Variants in CCDC57 observed in about 807,000 individuals in gnomAD.
CCDC57 encodes the protein coiled-coil domain-containing protein 57.
In CCDC57, 118 loss-of-function variants were observed where a neutral mutation model predicts 118.9. The observed-to-expected ratio is 0.99, with a 90% CI of 0.86 to 1.16. The LOEUF is 1.16. Among genes scored for constraint, CCDC57 ranks in the 50% most tolerant of loss-of-function variants. The pLI is 0.00. For synonymous variants in CCDC57, 527 were observed against 532.9 expected, an observed-to-expected ratio of 0.99 and a Z score of 0.15; for missense variants, 1,300 against 1,320.7, an observed-to-expected ratio of 0.98 and a Z score of 0.24.
intron 19 of CCDC57, among the ~76,000 whole-genome samples, chr17:82,123,293 CTTT>C (rs35898082): frequency 6.2e-4 from 69 of 111,054 alleles, no homozygotes; most frequent in African/African-American, 7.8e-4. Flanking sequence ...GTGCCCGGCC[CTTT>C]TTTTTTTTTT....
intron 3 of CCDC57, among the ~76,000 whole-genome samples, chr17:82,198,901 G>T (rs2048631258): frequency 6.6e-6 from 1 of 151,264 alleles, no homozygotes; most frequent in African/African-American, 2.4e-5. Context: ...GCTGAGGCAG[G>T]AGAATGGCGT....
intron 9 of CCDC57, among the ~76,000 whole-genome samples, chr17:82,179,783 C>G (rs1448977791): frequency 6.6e-6 from 1 of 152,206 alleles, no homozygotes; most frequent in Non-Finnish European, 1.5e-5. Context: ...CAGGACAGAG[C>G]AAACGCCAGC....
At position 82,171,873 on chromosome 17, in the gene CCDC57, T is replaced by C; in HGVS notation, c.1730-20A>G. ...CATAATCTGCCAAAAAAACCTCCAG[T>C]GAATATAACACATACACAGCATCCT... On this transcript the variant is annotated intron_variant, in intron 12 of 19. Transcript: ENST00000665763. 6.2e-7 allele frequency: 1 copy of C among 1,607,346 alleles called. No individual in the cohort carries two copies. The highest frequency in any genetic ancestry group is 8.5e-7 in the Non-Finnish European group (1 of 1,174,584).
chr17:82,129,667 G>C (rs1193347017), intron 17 of CCDC57, among the ~76,000 whole-genome samples: 3 of 152,220 alleles, frequency 2.0e-5, no homozygotes, highest in Non-Finnish European at 2.9e-5. Context: ...CCCTTTGCCT[G>C]TTTGTCACAG....
intron 1 of CCDC57, among the ~76,000 whole-genome samples, chr17:82,211,993 T>G (rs1466324967): frequency 6.6e-6 from 1 of 152,170 alleles, no homozygotes; most frequent in African/African-American, 2.4e-5. Context: ...TCTGCTTCTG[T>G]AAAAAAATCG....
intron 16 of CCDC57, among the ~76,000 whole-genome samples, chr17:82,140,873 G>A (rs960399491): frequency 1.2e-4 from 18 of 152,160 alleles, no homozygotes; most frequent in African/African-American, 4.3e-4. Flanking sequence ...GGGCTAGTTT[G>A]GAAACCTTAA....
intron 13 of CCDC57, 78 bp from the exon 13 acceptor site, chr17:82,163,435 CA>C: frequency 6.5e-7 from 1 of 1,542,316 alleles, no homozygotes; most frequent in Non-Finnish European, 8.8e-7. Context: ...ACATCTCTAT[CA>C]GCTCTCCCTT....
chr17:82,128,526 C>A, exon 18 of CCDC57: 1 of 1,571,978 alleles, frequency 6.4e-7, no homozygotes, highest in African/African-American at 1.4e-5. Context: ...GTCTGCTGCC[C>A]ACCTGTGCTG....
intron 14 of CCDC57, among the ~76,000 whole-genome samples, chr17:82,161,580 C>T (rs926133108): frequency 3.3e-5 from 5 of 152,174 alleles, no homozygotes; most frequent in African/African-American, 9.7e-5. Flanking sequence ...GAAGGAATGA[C>T]GTTCTGACAT....
At chr17:82,174,588 T>G (rs982146797) in intron 11 of CCDC57, among the ~76,000 whole-genome samples, 7 of 152,154 alleles carry the variant, frequency 4.6e-5, no homozygotes, top group African/African-American at 1.7e-4. Flanking sequence ...GGAGCCCAAT[T>G]AACTGATAAG....
At chr17:82,128,043 G>C in intron 18 of CCDC57, 135 bp from the exon 18 acceptor site, 2 of 1,299,972 alleles carry the variant, frequency 1.5e-6, no homozygotes, top group Non-Finnish European at 2.1e-6. Flanking sequence ...ATGCTCCCAG[G>C]ATCACCCAGG....
At chr17:82,131,483 T>C (rs2038354265) in intron 17 of CCDC57, among the ~76,000 whole-genome samples, 1 of 151,898 alleles carries the variant, frequency 6.6e-6, no homozygotes, top group Non-Finnish European at 1.5e-5. Context: ...GGCTCACGCC[T>C]GTAATCCCAG....
intron 16 of CCDC57, among the ~76,000 whole-genome samples, chr17:82,136,470 C>T (rs2039185013): frequency 6.6e-6 from 1 of 151,368 alleles, no homozygotes; most frequent in Non-Finnish European, 1.5e-5. Flanking sequence ...GAAAGGAATT[C>T]TGGAACAAAT....
intron 4 of CCDC57, among the ~76,000 whole-genome samples, chr17:82,197,835 G>A (rs2048499509): frequency 1.3e-5 from 2 of 152,158 alleles, no homozygotes; most frequent in African/African-American, 2.4e-5. Context: ...TCCTGCCCTT[G>A]GACATTGGGC....
chr17:82,108,598 C>A (rs1288501940), intron 19 of CCDC57, among the ~76,000 whole-genome samples: 1 of 152,204 alleles, frequency 6.6e-6, no homozygotes, highest in Non-Finnish European at 1.5e-5. Context: ...ACAAAAAAAT[C>A]TGACCACAAG....
At chr17:82,107,957 A>G (rs1485533850) in intron 19 of CCDC57, among the ~76,000 whole-genome samples, 1 of 152,184 alleles carries the variant, frequency 6.6e-6, no homozygotes, top group African/African-American at 2.4e-5. Context: ...CACTCTGCAC[A>G]CACCTCAGGA....
intron 17 of CCDC57, among the ~76,000 whole-genome samples, chr17:82,133,191 C>A (rs2038667071): frequency 1.3e-5 from 2 of 151,830 alleles, no homozygotes; most frequent in South Asian, 4.1e-4. Flanking sequence ...GGCAACATGG[C>A]AAAACTCCAT....
At chr17:82,111,061 A>G (rs1056172962) in intron 19 of CCDC57, among the ~76,000 whole-genome samples, 2 of 152,132 alleles carry the variant, frequency 1.3e-5, no homozygotes, top group African/African-American at 4.8e-5. Flanking sequence ...TCAGCACAAA[A>G]ACAGAATCAA....
intron 8 of CCDC57, among the ~76,000 whole-genome samples, chr17:82,186,330 C>T (rs2046914758): frequency 6.6e-6 from 1 of 152,218 alleles, no homozygotes; most frequent in Non-Finnish European, 1.5e-5. Flanking sequence ...CAACATTTAG[C>T]TTAAGACTGC....
Sources: gnomAD v4.1 joint callset for allele counts (sites outside exome capture counted in the v4.1 genomes callset) on GRCh38, gnomAD v4.1.1 for gene constraint, MANE v1.5 for transcripts, NCBI Gene and HGNC (gene_info 2026-07-23, HGNC 2026-07-21) for gene names.